DSC2: variants seen among roughly 807,000 people sequenced by gnomAD.
DSC2 encodes the protein desmocollin-2.
A neutral mutation model predicts 87.6 loss-of-function variants in DSC2; 51 were observed. That is an observed-to-expected ratio of 0.58 (90% confidence interval 0.46 to 0.74). The LOEUF is 0.74. Among genes scored for constraint, DSC2 ranks in the 30% least tolerant of loss-of-function variants. DSC2 has a pLI of 0.00. For synonymous variants in DSC2, 383 were observed against 393.2 expected (o/e 0.97, Z 0.31); for missense variants, 1,066 against 1,089.5 (o/e 0.98, Z 0.30).
At chr18:31,092,421 T>G (rs1987633820) in intron 2 of DSC2, 121 bp from the exon 3 acceptor site, 2 of 806,952 alleles carry the variant, frequency 2.5e-6, no homozygotes, top group Non-Finnish European at 4.1e-6. Context: ...ACTTGTAAAT[T>G]TTTGAAAGGA....
chr18:31,076,594 A>G (rs1987024101), intron 11 of DSC2, among the ~76,000 whole-genome samples: 1 of 152,230 alleles, frequency 6.6e-6, no homozygotes, highest in South Asian at 2.1e-4. Context: ...TACAGCTCAA[A>G]TTCCAGTAGA....
intron 3 of DSC2, chr18:31,091,559 C>G (rs1186402144): frequency 4.4e-6 from 2 of 459,596 alleles, no homozygotes; most frequent in South Asian, 3.1e-5. Context: ...AGGGAACCAA[C>G]AGAGAGATCT....
Position 31,095,099 on chromosome 18 carries a change from C to T in DSC2, c.70-1456G>A, listed in dbSNP as rs1036387970. Reference sequence around the variant, plus strand: ...CCAAGGCAGCGAGAGATAAATGTCACGACAAAAATAAAGCAGGGAGAGAGG... The same window carrying T: ...CCAAGGCAGCGAGAGATAAATGTCATGACAAAAATAAAGCAGGGAGAGAGG... On this transcript the variant is annotated intron_variant, in intron 1 of 15. Transcript: ENST00000280904. Among the ~76,000 whole-genome samples, 9 of 152,086 alleles carry T rather than the reference C, an allele frequency of 5.9e-5. No homozygotes were observed. In the East Asian group the frequency reaches 7.7e-4, roughly 13 times the overall value.
At position 31,101,888 on chromosome 18, in the gene DSC2, C is replaced by G; in HGVS notation, c.69+15G>C. ...TCGCCCCCTTCCCCGGAGCGGTGGC[C>G]GCGGCTACACTCACCGCGAGGGTCA... On this transcript the variant is annotated intron_variant, in intron 1 of 15. Transcript: ENST00000280904. 1 of 1,530,692 alleles carries G rather than the reference C, an allele frequency of 6.5e-7. No individual in the cohort carries two copies. Among genetic ancestry groups the G allele is most frequent in the Non-Finnish European group, 8.7e-7 (1 of 1,143,818 alleles). The allele number at this position is 1,530,692 out of a possible 1,614,324, so 94.8% of individuals were successfully genotyped here. A position where few individuals can be genotyped will look rare whatever the true frequency, so the allele number is the denominator to read the frequency against.
chr18:31,071,835 G>A lies in DSC2; in HGVS notation c.1895C>T (p.Ala632Val). Reference sequence around the variant, plus strand: ...ATCATTCTGATAGGAAAGACGTGCTGCTGTATCTGAAAATATAAATAAATA... The same window carrying A: ...ATCATTCTGATAGGAAAGACGTGCTACTGTATCTGAAAATATAAATAAATA... ...MWRLKAINDT[A>V]ARLSYQNDPP... is the part of the protein sequence containing the mutation. The change falls in exon 13 of 16, where the codon GCA becomes GTA. Residue 632 changes from alanine (A) to valine (V), a missense_variant. Ala to Val is a moderately conservative substitution (Grantham distance 64). Coordinates refer to ENST00000280904, the MANE Select transcript of DSC2 (RefSeq NM_024422.6). The A allele has an allele frequency of 6.2e-7, 1 of 1,611,704 alleles. No individual in the cohort carries two copies. Among genetic ancestry groups the A allele is most frequent in the Non-Finnish European group, 8.5e-7 (1 of 1,178,074 alleles).
chr18:31,063,852 A>T lies in DSC2; in HGVS notation c.*4163T>A, dbSNP rs1012737385. The T allele has an allele frequency of 3.3e-5, 5 of 152,212 alleles. No individual in the cohort carries two copies. Among genetic ancestry groups the T allele is most frequent in the African/African-American group, 1.2e-4 (5 of 41,454 alleles). 9.4% of individuals were successfully genotyped at this position (152,212 alleles called of 1,614,324 possible). A position where few individuals can be genotyped will look rare whatever the true frequency, so the allele number is the denominator to read the frequency against. On this transcript the variant is annotated 3_prime_UTR_variant, in exon 16 of 16. Coordinates refer to ENST00000280904, the MANE Select transcript of DSC2 (RefSeq NM_024422.6). Reference sequence around the variant, plus strand: ...GATGTAACCCCATCATAAGTCAAGAAGCATCTGTATTTAAAAGTGATTTTG... The same window carrying T: ...GATGTAACCCCATCATAAGTCAAGATGCATCTGTATTTAAAAGTGATTTTG...
chr18:31,089,674 G>T, intron 4 of DSC2, 80 bp from the exon 5 acceptor site: 1 of 1,370,008 alleles, frequency 7.3e-7, no homozygotes, highest in Non-Finnish European at 1.0e-6. Context: ...AAATCTCATT[G>T]CCATTTTATT....
intron 5 of DSC2, among the ~76,000 whole-genome samples, chr18:31,088,731 A>G (rs1987486987): frequency 1.3e-5 from 2 of 152,146 alleles, no homozygotes; most frequent in African/African-American, 2.4e-5. Flanking sequence ...AAGCACTGTC[A>G]CACCCCCTAC....
intron 12 of DSC2, among the ~76,000 whole-genome samples, chr18:31,074,028 C>T (rs905733127): frequency 2.0e-5 from 3 of 152,170 alleles, no homozygotes; most frequent in Non-Finnish European, 4.4e-5. Context: ...GGGATTGTGC[C>T]TTTTTGCCAT....
intron 5 of DSC2, among the ~76,000 whole-genome samples, chr18:31,088,376 TAC>T (rs1987476063): frequency 6.6e-6 from 1 of 152,200 alleles, no homozygotes. Flanking sequence ...TGTGGTGGAA[TAC>T]AGTTTAATTT....
In DSC2 at chr18:31,097,220, A is replaced by G. The variant is rs546619621; in HGVS notation, c.70-3577T>C. Among the ~76,000 whole-genome samples the G allele has an allele frequency of 2.1e-3, 314 of 151,810 alleles. 1 individual carries two copies. The highest frequency in any genetic ancestry group is 7.3e-3 in the African/African-American group (302 of 41,426). ...GGAGAATGGTGTGAACCCGAGAGGC[A>G]GAGCTTGCAGTGAGCAGAGATCACG... On this transcript the variant is annotated intron_variant, in intron 1 of 15. Coordinates refer to ENST00000280904, the MANE Select transcript of DSC2 (RefSeq NM_024422.6).
chr18:31,083,736 C>T (rs1987309052), intron 7 of DSC2, among the ~76,000 whole-genome samples: 1 of 152,030 alleles, frequency 6.6e-6, no homozygotes, highest in African/African-American at 2.4e-5. Flanking sequence ...GAATCTGGCT[C>T]TTAAGGCTTT....
chr18:31,087,627 AAC>A, intron 6 of DSC2, 40 bp downstream of exon 6: 4 of 1,596,472 alleles, frequency 2.5e-6, no homozygotes, highest in Non-Finnish European at 3.4e-6. Context: ...TATGAATTGA[AAC>A]ACAGTTAATT....
chr18:31,071,739 A>G lies in DSC2; in HGVS notation c.1991T>C (p.Leu664Ser). 6.2e-7 allele frequency: 1 copy of G among 1,613,956 alleles called. No individual in the cohort carries two copies. The highest frequency in any genetic ancestry group is 8.5e-7 in the Non-Finnish European group (1 of 1,179,916). Residue 664 changes from leucine to serine, a missense_variant, in exon 13 of 16, where the codon TTG becomes TCG. By Grantham distance (145) the Leu-to-Ser change is moderately radical. Coordinates refer to ENST00000280904, the MANE Select transcript of DSC2 (RefSeq NM_024422.6). ...AATGCAGTCACACAGTGTAACATCC[A>G]ATGAAGTGACACTAGACATGCCAAG... ...DRLGMSSVTS[L>S]DVTLCDCITE...
Position 31,067,070 on chromosome 18 carries a change from G to C in DSC2, c.*945C>G, listed in dbSNP as rs1473727110. On this transcript the variant is annotated 3_prime_UTR_variant, in exon 16 of 16. Transcript: ENST00000280904. ...AAAATTAAAGGTTTTTTTTGTTGAA[G>C]AGATAATGAAGCAATCACCAAGATA... 2.0e-5 allele frequency: 3 copies of C among 151,532 alleles called. No individual in the cohort carries two copies. Among genetic ancestry groups the C allele is most frequent in the Non-Finnish European group, 2.9e-5 (2 of 67,838 alleles). 9.4% of individuals were successfully genotyped at this position (151,532 alleles called of 1,614,324 possible). A position where few individuals can be genotyped will look rare whatever the true frequency, so the allele number is the denominator to read the frequency against.
At position 31,102,053 on chromosome 18, in the gene DSC2, G is replaced by T; in HGVS notation, c.-82C>A. ...GCGGGGCGAGGGCCGCGGCCGGAGC[G>T]CAGTCTGGGCCCGCTGCTCAGGAGG... is the stretch of plus-strand genomic sequence containing the variant. On this transcript the variant is annotated 5_prime_UTR_variant, in exon 1 of 16. Transcript: ENST00000280904. 5.7e-6 allele frequency: 7 copies of T among 1,219,210 alleles called. No homozygotes were observed. Among genetic ancestry groups the T allele is most frequent in the Non-Finnish European group, 7.5e-6 (7 of 929,988 alleles). 75.5% of individuals were successfully genotyped at this position (1,219,210 alleles called of 1,614,324 possible). A position where few individuals can be genotyped will look rare whatever the true frequency, so the allele number is the denominator to read the frequency against.
rs1986501261 is a variant in DSC2, at chr18:31,061,530, T to C, written c.*6485A>G. ...TGGCTTGAGAAGAATATGCTCCAAA[T>C]CCATGACACAGTAAAATTCCTCTAT... On this transcript the variant is annotated 3_prime_UTR_variant, in exon 16 of 16. Transcript: ENST00000280904. 6.6e-6 allele frequency: 1 copy of C among 152,186 alleles called. No homozygotes were observed. Among genetic ancestry groups the C allele is most frequent in the South Asian group, 2.1e-4 (1 of 4,832 alleles). The allele number at this position is 152,186 out of a possible 1,614,324, so 9.4% of individuals were successfully genotyped here.
intron 4 of DSC2, among the ~76,000 whole-genome samples, chr18:31,090,814 G>C: frequency 6.6e-6 from 1 of 152,140 alleles, no homozygotes; most frequent in Non-Finnish European, 1.5e-5. Context: ...ATGTGTCTGA[G>C]TGCCACAGTT....
In DSC2 at chr18:31,069,093, C is replaced by T. The variant is rs1378220202; in HGVS notation, c.2309G>A (p.Gly770Asp). Residue 770 changes from glycine to aspartate, a missense_variant, in exon 15 of 16, where the codon GGC becomes GAC. Gly to Asp is a moderately conservative substitution (Grantham distance 94). Transcript: ENST00000280904. ...GTTTTTGATTCCTGATCCCACGGTG[C>T]CACAAACTCCCTGAGCAGAAGCGCC... is the stretch of plus-strand genomic sequence containing the variant. ...TVGASAQGVC[G>D]TVGSGIKNGG... is the part of the protein sequence containing the mutation. The T allele has an allele frequency of 2.5e-6, 4 of 1,614,068 alleles. No individual in the cohort carries two copies. In the Admixed American group the frequency reaches 5.0e-5, roughly 20 times the overall value.
Sources: gnomAD v4.1 joint callset for allele counts (sites outside exome capture counted in the v4.1 genomes callset) on GRCh38, gnomAD v4.1.1 for gene constraint, MANE v1.5 for transcripts, NCBI Gene and HGNC (gene_info 2026-07-23, HGNC 2026-07-21) for gene names.